The following SPIRE2 variants were observed in gnomAD, a reference collection of about 807,000 sequenced individuals.
SPIRE2 encodes the protein spire type actin nucleation factor 2.
In SPIRE2, 76 loss-of-function variants were observed where a neutral mutation model predicts 80.7. That is an observed-to-expected ratio of 0.94 (90% CI 0.78 to 1.14). The LOEUF is 1.14. Among genes scored for constraint, SPIRE2 ranks in the 50% most tolerant of loss-of-function variants. The pLI, the probability that SPIRE2 is intolerant of heterozygous loss-of-function variation, is 0.00. For synonymous variants in SPIRE2, 535 were observed against 432.6 expected, an observed-to-expected ratio of 1.24 and a Z score of -2.94; for missense variants, 1,196 against 1,015.3, an observed-to-expected ratio of 1.18 and a Z score of -2.42.
chr16:89,856,084 C>CCA (rs1567676044), intron 6 of SPIRE2, 29 bp from the exon 7 acceptor site: 3 of 1,600,212 alleles, frequency 1.9e-6, no homozygotes, highest in Non-Finnish European at 1.7e-6. Context: ...TCCTGCTTCC[C>CCA]CACCGCAGGT....
intron 13 of SPIRE2, among the ~76,000 whole-genome samples, chr16:89,869,152 C>T (rs2041817207): frequency 1.4e-5 from 2 of 145,264 alleles, no homozygotes; most frequent in South Asian, 4.5e-4. Flanking sequence ...TTAAATCTTA[C>T]TCTACATCCT....
chr16:89,841,052 C>G (rs185437573), intron 1 of SPIRE2, among the ~76,000 whole-genome samples: 1 of 152,108 alleles, frequency 6.6e-6, no homozygotes, highest in Admixed American at 6.6e-5. Flanking sequence ...GGTGCAGTAG[C>G]TCACACCTGT....
At chr16:89,831,248 A>C (rs946240220) in intron 1 of SPIRE2, among the ~76,000 whole-genome samples, 1 of 150,508 alleles carries the variant, frequency 6.6e-6, no homozygotes, top group African/African-American at 2.4e-5. Flanking sequence ...GGTGCTAATG[A>C]GGGTCTGTGT....
intron 2 of SPIRE2, chr16:89,846,046 G>A (rs986619290): frequency 6.4e-5 from 11 of 171,578 alleles, no homozygotes; most frequent in Admixed American, 1.2e-4. Flanking sequence ...ACTGGTGCCC[G>A]CCACCACGCC....
At chr16:89,838,787 G>A (rs924189001) in intron 1 of SPIRE2, among the ~76,000 whole-genome samples, 3 of 152,300 alleles carry the variant, frequency 2.0e-5, no homozygotes, top group African/African-American at 7.2e-5. Flanking sequence ...GCAGGCAGGT[G>A]GCTCTGTCTC....
At chr16:89,858,782 A>C (rs1228314872) in intron 8 of SPIRE2, among the ~76,000 whole-genome samples, 1 of 152,234 alleles carries the variant, frequency 6.6e-6, no homozygotes, top group East Asian at 1.9e-4. Flanking sequence ...TCGCTGTCCC[A>C]GGCCCCGGAA....
intron 7 of SPIRE2, among the ~76,000 whole-genome samples, chr16:89,857,623 T>C (rs1182651283): frequency 1.3e-5 from 2 of 151,490 alleles, no homozygotes; most frequent in Non-Finnish European, 2.9e-5. Context: ...CAGGCTGGAG[T>C]GCAGTGGCGC....
chr16:89,831,654 C>G (rs1425256054), intron 1 of SPIRE2, among the ~76,000 whole-genome samples: 1 of 150,524 alleles, frequency 6.6e-6, no homozygotes, highest in Non-Finnish European at 1.5e-5. Flanking sequence ...ACCTCGGCCT[C>G]CCAAAGTGCT....
chr16:89,851,964 A>G (rs1417703749), intron 3 of SPIRE2, among the ~76,000 whole-genome samples: 2 of 151,296 alleles, frequency 1.3e-5, no homozygotes, highest in African/African-American at 4.9e-5. Flanking sequence ...TGGCAGCCTG[A>G]GCTGCTCGGC....
chr16:89,866,020 A>G (rs1372520969), intron 12 of SPIRE2, among the ~76,000 whole-genome samples: 1 of 148,620 alleles, frequency 6.7e-6, no homozygotes, highest in Non-Finnish European at 1.5e-5. Flanking sequence ...ATGGTAGCTC[A>G]TGCCTATAAT....
chr16:89,832,580 G>C (rs2143773917), intron 1 of SPIRE2, among the ~76,000 whole-genome samples: 1 of 152,168 alleles, frequency 6.6e-6, no homozygotes, highest in South Asian at 2.1e-4. Flanking sequence ...CCTCACCAGA[G>C]CTGAGGGGCA....
At chr16:89,845,683 C>T (rs879586391) in intron 2 of SPIRE2, 15 of 683,966 alleles carry the variant, frequency 2.2e-5, no homozygotes, top group South Asian at 3.0e-5. Context: ...GACACAGAGC[C>T]GGGGTCAGGG....
chr16:89,832,762 G>A (rs2041398709), intron 1 of SPIRE2, among the ~76,000 whole-genome samples: 2 of 152,142 alleles, frequency 1.3e-5, no homozygotes, highest in South Asian at 4.1e-4. Context: ...TGCAGAGCCG[G>A]GCTGAGCAGT....
chr16:89,860,565 CTTGACCTT>C (rs1320932740), intron 9 of SPIRE2, 110 bp from the exon 10 acceptor site: 1 of 699,064 alleles, frequency 1.4e-6, no homozygotes, highest in African/African-American at 1.8e-5. Context: ...CGCTTCTCCC[CTTGACCTT>C]TTGCTTGGTT....
intron 12 of SPIRE2, among the ~76,000 whole-genome samples, chr16:89,865,671 A>AT (rs1597225048): frequency 1.3e-5 from 2 of 152,104 alleles, no homozygotes; most frequent in Admixed American, 6.6e-5. Context: ...CCCAGACTGA[A>AT]TAAAAAAGTA....
At chr16:89,847,820 G>A (rs1284912871) in intron 2 of SPIRE2, among the ~76,000 whole-genome samples, 1 of 152,216 alleles carries the variant, frequency 6.6e-6, no homozygotes, top group Non-Finnish European at 1.5e-5. Context: ...AGTTGCCAGT[G>A]ACCTGGGCAC....
chr16:89,869,057 T>C (rs868608861), intron 13 of SPIRE2, among the ~76,000 whole-genome samples: 2 of 38,280 alleles, frequency 5.2e-5, no homozygotes, highest in African/African-American at 2.9e-4. Context: ...AAAAAAAATA[T>C]ATATATATAT....
intron 10 of SPIRE2, among the ~76,000 whole-genome samples, chr16:89,861,235 A>G (rs1385242963): frequency 6.6e-6 from 1 of 152,106 alleles, no homozygotes; most frequent in Non-Finnish European, 1.5e-5. Flanking sequence ...CTTTGCTGAC[A>G]TCTTGAGGCC....
At position 89,859,313 on chromosome 16, in the gene SPIRE2, C is replaced by G. The variant is rs900702723; in HGVS notation, c.1421C>G (p.Ala474Gly). ...PGGTEPPRPR[A>G]GSAHVWRPGS... ...GGGACGGAGCCACCACGGCCCCGAGCTGGCAGTGCGCATGTGTGGAGGCCC... is the reference window on the plus strand; with the variant it reads ...GGGACGGAGCCACCACGGCCCCGAGGTGGCAGTGCGCATGTGTGGAGGCCC... The change falls in exon 9 of 15, where the codon GCT becomes GGT. Residue 474 changes from alanine (A) to glycine (G), a missense_variant. Ala to Gly is a moderately conservative substitution (Grantham distance 60, BLOSUM62 0). Transcript: ENST00000378247. 2 of 1,595,172 alleles carry G rather than the reference C, an allele frequency of 1.3e-6. No individual in the cohort carries two copies. The highest frequency in any genetic ancestry group is 1.7e-6 in the Non-Finnish European group (2 of 1,176,506).
Sources: gnomAD v4.1 joint callset for allele counts (sites outside exome capture counted in the v4.1 genomes callset) on GRCh38, gnomAD v4.1.1 for gene constraint, MANE v1.5 for transcripts, NCBI Gene and HGNC (gene_info 2026-07-23, HGNC 2026-07-21) for gene names.